Variants in CSMD3 observed in about 807,000 individuals in gnomAD.
CSMD3 encodes the protein CUB and sushi domain-containing protein 3.
A neutral mutation model predicts 435.2 loss-of-function variants in CSMD3; 177 were observed. The observed-to-expected ratio is 0.41, with a 90% confidence interval of 0.36 to 0.46. The LOEUF (loss-of-function observed/expected upper bound fraction) is 0.46. CSMD3 is among the 20% of genes least tolerant of loss of function. The pLI, the probability that CSMD3 is intolerant of heterozygous loss-of-function variation, is 0.34. For synonymous variants in CSMD3, 1,656 were observed against 1,520.5 expected, an observed-to-expected ratio of 1.09 and a Z score of -2.07; for missense variants, 4,265 against 4,504.6, an observed-to-expected ratio of 0.95 and a Z score of 1.52.
intron 53 of CSMD3, among the ~76,000 whole-genome samples, chr8:112,296,989 A>G (rs1179245719): frequency 6.6e-6 from 1 of 151,864 alleles, no homozygotes; most frequent in Non-Finnish European, 1.5e-5. Flanking sequence ...TCAGAAGAAA[A>G]GAAAAAAAAT....
chr8:112,895,272 A>T (rs2081918710), intron 10 of CSMD3, among the ~76,000 whole-genome samples: 1 of 151,364 alleles, frequency 6.6e-6, no homozygotes, highest in Non-Finnish European at 1.5e-5. Context: ...TGTTGCAGAA[A>T]TTTTTTAAAG....
At chr8:113,192,913 TA>T (rs1409219680) in intron 3 of CSMD3, among the ~76,000 whole-genome samples, 1 of 151,658 alleles carries the variant, frequency 6.6e-6, no homozygotes, top group Non-Finnish European at 1.5e-5. Flanking sequence ...AGTAGTTAAG[TA>T]AAACGCTGAA....
At chr8:112,536,735 C>A (rs1370556759) in intron 27 of CSMD3, among the ~76,000 whole-genome samples, 2 of 150,112 alleles carry the variant, frequency 1.3e-5, no homozygotes, top group African/African-American at 2.5e-5. Flanking sequence ...TTTATTGCGG[C>A]ACTATTCACA....
Position 112,598,330 on chromosome 8 carries a change from C to A in CSMD3, c.3716-11095G>T, listed in dbSNP as rs542179180. ...TTACAAGGGATGGGAAGGACCTCTT[C>A]AAGGAGAACTACAAACCACTTCTCG... On this transcript the variant is annotated intron_variant, in intron 22 of 70. Coordinates refer to ENST00000297405, the MANE Select transcript of CSMD3 (RefSeq NM_198123.2). Among the ~76,000 whole-genome samples the A allele has an allele frequency of 1.9e-3, 293 of 150,870 alleles. 1 individual carries two copies. Among genetic ancestry groups the A allele is most frequent in the African/African-American group, 5.8e-3 (236 of 40,794 alleles).
chr8:112,587,619 C>A (rs1158331295), intron 22 of CSMD3, among the ~76,000 whole-genome samples: 2 of 151,790 alleles, frequency 1.3e-5, no homozygotes, highest in East Asian at 3.9e-4. Flanking sequence ...TTGAATAATT[C>A]TAACTTCATC....
intron 5 of CSMD3, among the ~76,000 whole-genome samples, chr8:113,086,853 T>C (rs1448943759): frequency 6.6e-6 from 1 of 152,196 alleles, no homozygotes; most frequent in Admixed American, 6.5e-5. Context: ...ATTGAGGACG[T>C]TCATTTTCTC....
chr8:112,271,397 A>G (rs900023943), intron 59 of CSMD3, among the ~76,000 whole-genome samples: 1 of 152,186 alleles, frequency 6.6e-6, no homozygotes, highest in African/African-American at 2.4e-5. Flanking sequence ...TAGGTCATAA[A>G]TTAATGAGAC....
At chr8:112,907,071 G>T (rs1466519459) in intron 10 of CSMD3, among the ~76,000 whole-genome samples, 2 of 151,496 alleles carry the variant, frequency 1.3e-5, no homozygotes, top group Non-Finnish European at 3.0e-5. Context: ...AAGGAAGGAA[G>T]AACTTTTCAA....
At chr8:112,423,858 A>G (rs890430197) in intron 32 of CSMD3, among the ~76,000 whole-genome samples, 4 of 152,122 alleles carry the variant, frequency 2.6e-5, no homozygotes, top group Non-Finnish European at 4.4e-5. Flanking sequence ...GCTTTTATAT[A>G]TATATACATA....
intron 61 of CSMD3, among the ~76,000 whole-genome samples, chr8:112,260,014 C>A (rs149089447): frequency 7.9e-5 from 12 of 152,202 alleles, no homozygotes; most frequent in Admixed American, 2.0e-4. Flanking sequence ...TATTTCTATC[C>A]GTGAATTTTC....
At chr8:112,383,778 C>A in intron 36 of CSMD3, 115 bp from the exon 37 acceptor site, 1 of 745,578 alleles carries the variant, frequency 1.3e-6, no homozygotes, top group Non-Finnish European at 2.4e-6. Context: ...ATAATTGTGA[C>A]CCTTCATAGA....
chr8:113,194,001 G>T (rs1226045992), intron 3 of CSMD3, among the ~76,000 whole-genome samples: 2 of 151,080 alleles, frequency 1.3e-5, no homozygotes, highest in Non-Finnish European at 3.0e-5. Context: ...AAAGCAACAT[G>T]AATATTGTAG....
chr8:112,937,414 G>A (rs1430934425), intron 9 of CSMD3, among the ~76,000 whole-genome samples: 4 of 147,850 alleles, frequency 2.7e-5, no homozygotes, highest in South Asian at 2.1e-4. Flanking sequence ...GCAGTGGCAC[G>A]ATCTTGGCTC....
chr8:112,342,999 A>T lies in CSMD3; in HGVS notation c.6443-1313T>A, dbSNP rs375769068. On this transcript the variant is annotated intron_variant, in intron 41 of 70. Coordinates refer to ENST00000297405, the MANE Select transcript of CSMD3 (RefSeq NM_198123.2). The stretch of plus-strand genomic sequence containing the variant: ...TATATATATATATTTATATATATAT[A>T]TTTATATATATATATATTTATATAT... Among the ~76,000 whole-genome samples, 28 of 24,474 alleles carry T rather than the reference A, an allele frequency of 1.1e-3. 1 individual carries two copies. The highest frequency in any genetic ancestry group is 3.0e-3 in the Admixed American group (4 of 1,336). 16.1% of individuals were successfully genotyped at this position (24,474 alleles called of 152,430 possible).
chr8:112,783,854 G>A (rs891511150), intron 13 of CSMD3, among the ~76,000 whole-genome samples: 1 of 151,402 alleles, frequency 6.6e-6, no homozygotes, highest in Admixed American at 6.6e-5. Context: ...GACAAAGAAG[G>A]TCAATACATG....
intron 3 of CSMD3, among the ~76,000 whole-genome samples, chr8:113,228,109 A>G (rs145530760): frequency 6.6e-6 from 1 of 151,748 alleles, no homozygotes; most frequent in East Asian, 1.9e-4. Context: ...ACATAATAAT[A>G]TAATGTAATA....
At chr8:113,434,692 C>T (rs762254869) in intron 1 of CSMD3, among the ~76,000 whole-genome samples, 1 of 152,176 alleles carries the variant, frequency 6.6e-6, no homozygotes, top group Non-Finnish European at 1.5e-5. Flanking sequence ...ACATACTCTT[C>T]CTTCTCAATA....
chr8:113,279,419 A>T (rs1273380180), intron 2 of CSMD3, among the ~76,000 whole-genome samples: 1 of 151,606 alleles, frequency 6.6e-6, no homozygotes, highest in Non-Finnish European at 1.5e-5. Context: ...GTACATTAAC[A>T]TCCAAATCAT....
chr8:112,248,031 G>A (rs369358487), intron 63 of CSMD3, among the ~76,000 whole-genome samples: 5 of 152,084 alleles, frequency 3.3e-5, no homozygotes, highest in African/African-American at 9.6e-5. Context: ...TGGGAAGCAG[G>A]GGTATATAGT....
Sources: gnomAD v4.1 joint callset for allele counts (sites outside exome capture counted in the v4.1 genomes callset) on GRCh38, gnomAD v4.1.1 for gene constraint, MANE v1.5 for transcripts, NCBI Gene and HGNC (gene_info 2026-07-23, HGNC 2026-07-21) for gene names.